Variants in STK3 observed in about 807,000 individuals in gnomAD.
The protein encoded by STK3 is serine/threonine-protein kinase 3.
STK3 carries 41 observed loss-of-function variants against 58.0 expected under a neutral mutation model. That is an observed-to-expected ratio of 0.71 (90% confidence interval 0.55 to 0.92). STK3 has a LOEUF of 0.92. Among genes scored for constraint, STK3 ranks in the 40% least tolerant of loss-of-function variants. The pLI is 0.00. For synonymous variants in STK3, 170 were observed against 191.0 expected, an observed-to-expected ratio of 0.89 and a Z score of 0.91; for missense variants, 479 against 602.7, an observed-to-expected ratio of 0.79 and a Z score of 2.15.
intron 6 of STK3, among the ~76,000 whole-genome samples, chr8:98,643,054 C>T (rs1257831039): frequency 6.6e-6 from 1 of 151,962 alleles, no homozygotes; most frequent in East Asian, 1.9e-4. Context: ...GAGACCCTCA[C>T]CTCTACAAAA....
rs1367869723 is a variant in STK3, at chr8:98,795,095, AAAAAAAAAATATATAT to A, written c.27-20292_27-20277del. The stretch of plus-strand genomic sequence containing the variant: ...ACTCCGTCGCAAAAAAAAAAAAAAA[AAAAAAAAAATATATAT>A]ATATATATATATATATATACATACT... On this transcript the variant is annotated intron_variant, in intron 1 of 10. Coordinates refer to ENST00000419617, the MANE Select transcript of STK3 (RefSeq NM_006281.4). 3.0e-4 allele frequency among the ~76,000 whole-genome samples: 20 copies of A among 65,892 alleles called. 1 individual carries two copies. The highest frequency in any genetic ancestry group is 8.4e-4 in the African/African-American group (13 of 15,414). 43.2% of individuals were successfully genotyped at this position (65,892 alleles called of 152,430 possible).
chr8:98,559,724 T>C (rs1365790350), intron 8 of STK3, among the ~76,000 whole-genome samples: 1 of 152,086 alleles, frequency 6.6e-6, no homozygotes, highest in Non-Finnish European at 1.5e-5. Flanking sequence ...TACACAGAAA[T>C]ACGCCTTGGA....
At chr8:98,676,615 A>T (rs1823232685) in intron 6 of STK3, among the ~76,000 whole-genome samples, 2 of 140,548 alleles carry the variant, frequency 1.4e-5, no homozygotes, top group South Asian at 2.2e-4. Flanking sequence ...CTCTATCTTT[A>T]AAAAAAAAAA....
rs1192454477 is a variant in STK3 at position 98,893,476 on chromosome 8, A to AAGAGAG, written c.-78-9643_-78-9642insCTCTCT. ...AAAGAAAGAAAGAAAGAAAGAAAGA[A>AAGAGAG]AGAAAGAAAGAGAAAGAAAGAAAGA... On this transcript the variant is annotated intron_variant, in intron 1 of 1. Coordinates refer to the STK3 transcript ENST00000519420. Among the ~76,000 whole-genome samples, 13 of 69,772 alleles carry AAGAGAG rather than the reference A, an allele frequency of 1.9e-4. 1 individual carries two copies. The highest frequency in any genetic ancestry group is 6.8e-4 in the African/African-American group (10 of 14,736). The allele number at this position is 69,772 out of a possible 152,430, so 45.8% of individuals were successfully genotyped here.
intron 1 of STK3, among the ~76,000 whole-genome samples, chr8:98,796,264 C>A (rs1833159749): frequency 6.6e-6 from 1 of 152,064 alleles, no homozygotes; most frequent in Admixed American, 6.6e-5. Context: ...CTACTTTAAC[C>A]AAAAAATCAT....
intron 6 of STK3, among the ~76,000 whole-genome samples, chr8:98,659,686 C>T (rs1821819791): frequency 6.6e-6 from 1 of 151,680 alleles, no homozygotes; most frequent in African/African-American, 2.4e-5. Flanking sequence ...TAGCAAACTC[C>T]AAGTTTTCTT....
At chr8:98,678,650 G>C (rs1021947399) in intron 6 of STK3, among the ~76,000 whole-genome samples, 8 of 151,826 alleles carry the variant, frequency 5.3e-5, no homozygotes, top group African/African-American at 1.9e-4. Context: ...AGTGATAGAG[G>C]AAAAAAAGAA....
chr8:98,847,664 G>T (rs1345987770), intron 3 of STK3, among the ~76,000 whole-genome samples: 2 of 151,974 alleles, frequency 1.3e-5, no homozygotes, highest in African/African-American at 2.4e-5. Flanking sequence ...GAGGCCTGGG[G>T]GTCAAGCTTC....
At chr8:98,409,217 C>T (rs1051184697) in intron 3 of STK3, among the ~76,000 whole-genome samples, 2 of 152,174 alleles carry the variant, frequency 1.3e-5, no homozygotes, top group Admixed American at 6.5e-5. Context: ...TCTAAATTCA[C>T]CAGCCCATGA....
intron 6 of STK3, among the ~76,000 whole-genome samples, chr8:98,646,166 CTT>C (rs1342533326): frequency 1.3e-5 from 2 of 152,212 alleles, no homozygotes; most frequent in African/African-American, 4.8e-5. Flanking sequence ...AAGGTTATAA[CTT>C]TTCAAATGCT....
chr8:98,791,141 T>C (rs1832778817), intron 1 of STK3, among the ~76,000 whole-genome samples: 1 of 152,182 alleles, frequency 6.6e-6, no homozygotes. Context: ...ACAACATTAA[T>C]GTACACAATC....
intron 8 of STK3, among the ~76,000 whole-genome samples, chr8:98,573,329 C>A (rs988769415): frequency 7.9e-5 from 12 of 151,974 alleles, no homozygotes; most frequent in Admixed American, 2.0e-4. Flanking sequence ...GCTGGGGAGG[C>A]CTCAGAAAAT....
chr8:98,864,496 T>A (rs2922082), intron 3 of STK3, among the ~76,000 whole-genome samples: 51,149 of 151,996 alleles, frequency 0.34, 8,930 homozygotes, highest in East Asian at 0.44. Context: ...TAGCTATTGG[T>A]AATGTCTGTT....
At chr8:98,650,863 C>A (rs1798415157) in intron 6 of STK3, among the ~76,000 whole-genome samples, 1 of 152,254 alleles carries the variant, frequency 6.6e-6, no homozygotes, top group African/African-American at 2.4e-5. Context: ...GCACCCACCA[C>A]AGCTCAAGGA....
intron 10 of STK3, among the ~76,000 whole-genome samples, chr8:98,502,223 T>A (rs550727278): frequency 1.5e-4 from 23 of 151,646 alleles, no homozygotes; most frequent in Non-Finnish European, 2.1e-4. Context: ...TATTGGTGTA[T>A]AGGAATGCTT....
chr8:98,734,663 AC>A (rs1828441501), intron 4 of STK3, among the ~76,000 whole-genome samples: 1 of 152,116 alleles, frequency 6.6e-6, no homozygotes, highest in Admixed American at 6.5e-5. Flanking sequence ...ATGCATTTCT[AC>A]TCTGCAGTAT....
chr8:98,711,926 A>G (rs1381732042), intron 4 of STK3, among the ~76,000 whole-genome samples: 1 of 152,248 alleles, frequency 6.6e-6, no homozygotes, highest in Non-Finnish European at 1.5e-5. Flanking sequence ...TCAGACTGAC[A>G]GCTGATCTCT....
In STK3 at chr8:98,823,498, T is replaced by G. The variant is rs192038183; in HGVS notation, c.26+2017A>C. Among the ~76,000 whole-genome samples the G allele has an allele frequency of 1.3e-3, 204 of 152,346 alleles. 1 individual carries two copies. Among genetic ancestry groups the G allele is most frequent in the Non-Finnish European group, 1.2e-3 (82 of 68,040 alleles). On this transcript the variant is annotated intron_variant, in intron 1 of 10. Transcript: ENST00000419617. ...TGCACAGCCTTTGTAGCCAATCAGA[T>G]GCAGAATTCTGGCACTTTCTCCACT...
chr8:98,514,954 C>A (rs1201870393), intron 10 of STK3, among the ~76,000 whole-genome samples: 1 of 152,048 alleles, frequency 6.6e-6, no homozygotes, highest in East Asian at 1.9e-4. Flanking sequence ...ATAGCAAAAC[C>A]ATCAATCTAA....
Sources: gnomAD v4.1 joint callset for allele counts (sites outside exome capture counted in the v4.1 genomes callset) on GRCh38, gnomAD v4.1.1 for gene constraint, MANE v1.5 for transcripts, NCBI Gene and HGNC (gene_info 2026-07-23, HGNC 2026-07-21) for gene names.